The following DYM variants were observed in gnomAD, a reference collection of about 807,000 sequenced individuals.
DYM encodes dymeclin.
DYM carries 78 observed loss-of-function variants against 93.1 expected under a neutral mutation model. That is an observed-to-expected ratio of 0.84 (90% confidence interval 0.70 to 1.01). DYM has a LOEUF of 1.01. Among genes scored for constraint, DYM ranks in the 50% least tolerant of loss-of-function variants. The probability of loss-of-function intolerance (pLI) is 0.00; values close to 1 mark genes in which losing one functional copy is unlikely to be tolerated. For synonymous variants in DYM, 321 were observed against 319.7 expected (o/e 1.00, Z -0.04); for missense variants, 789 against 845.0 (o/e 0.93, Z 0.82).
chr18:49,132,228 AT>A (rs1298934639), intron 15 of DYM, among the ~76,000 whole-genome samples: 1 of 152,222 alleles, frequency 6.6e-6, no homozygotes, highest in Non-Finnish European at 1.5e-5. Context: ...CACAAGAAAA[AT>A]AAAAAGCTCA....
chr18:49,070,282 G>A (rs1386192684), intron 17 of DYM, among the ~76,000 whole-genome samples: 2 of 152,164 alleles, frequency 1.3e-5, no homozygotes, highest in African/African-American at 4.8e-5. Flanking sequence ...TACGTGCATT[G>A]TTTCTTTTGA....
intron 17 of DYM, among the ~76,000 whole-genome samples, chr18:49,056,073 T>C (rs1018919587): frequency 2.6e-5 from 4 of 151,654 alleles, no homozygotes; most frequent in African/African-American, 7.3e-5. Context: ...CTGGGGGAGG[T>C]GCAGGCTGAA....
At chr18:49,245,735 T>A (rs2094148957) in intron 13 of DYM, among the ~76,000 whole-genome samples, 2 of 152,206 alleles carry the variant, frequency 1.3e-5, no homozygotes, top group African/African-American at 2.4e-5. Context: ...AAGCATGTGA[T>A]CTTTGTGACT....
At chr18:49,148,853 C>T (rs1356154013) in intron 15 of DYM, among the ~76,000 whole-genome samples, 2 of 152,180 alleles carry the variant, frequency 1.3e-5, no homozygotes, top group Admixed American at 6.5e-5. Flanking sequence ...GCACCAGGGA[C>T]CGTTTCATGG....
intron 11 of DYM, among the ~76,000 whole-genome samples, chr18:49,266,087 G>C (rs940689787): frequency 1.3e-5 from 2 of 152,114 alleles, no homozygotes; most frequent in African/African-American, 4.8e-5. Flanking sequence ...GTAAAACAGA[G>C]TGAGACTCTG....
chr18:49,313,565 G>A (rs554111947), intron 8 of DYM, among the ~76,000 whole-genome samples: 1 of 143,036 alleles, frequency 7.0e-6, no homozygotes, highest in Admixed American at 7.2e-5. Flanking sequence ...AAAGAGGCAT[G>A]AATAATCCAC....
At position 49,433,371 on chromosome 18, in the gene DYM, T is replaced by G. The variant is rs551921226; in HGVS notation, c.-53-2924A>C. ...CATGTAATCATAGTATACGACTAAA[T>G]TCAACAGTAATCAACATTTATATAA... On this transcript the variant is annotated intron_variant, in intron 1 of 17. Coordinates refer to ENST00000675505, the MANE Select transcript of DYM (RefSeq NM_001353214.3). Among the ~76,000 whole-genome samples, 3 of 152,320 alleles carry G rather than the reference T, an allele frequency of 2.0e-5. No individual in the cohort carries two copies. In the East Asian group the frequency reaches 5.8e-4, roughly 29 times the overall value.
intron 14 of DYM, among the ~76,000 whole-genome samples, chr18:49,207,448 TA>T (rs1324727444): frequency 6.6e-6 from 1 of 152,238 alleles, no homozygotes; most frequent in Non-Finnish European, 1.5e-5. Context: ...TAAACCTGGC[TA>T]AACTATTGTG....
chr18:49,343,675 T>C (rs2064339229), intron 6 of DYM, among the ~76,000 whole-genome samples: 1 of 152,230 alleles, frequency 6.6e-6, no homozygotes, highest in African/African-American at 2.4e-5. Flanking sequence ...TCTTCAACTA[T>C]GCTCACAGGC....
intron 8 of DYM, among the ~76,000 whole-genome samples, chr18:49,303,995 G>A (rs1431020825): frequency 1.3e-5 from 2 of 152,146 alleles, no homozygotes; most frequent in Non-Finnish European, 2.9e-5. Context: ...ACACACCACA[G>A]GTGTCTGGAA....
intron 13 of DYM, among the ~76,000 whole-genome samples, chr18:49,210,806 C>T (rs181401892): frequency 1.3e-3 from 194 of 152,272 alleles, no homozygotes; most frequent in Non-Finnish European, 2.4e-3. Context: ...CAACTCTATA[C>T]TTTCTGATCA....
At chr18:49,276,558 G>A (rs1351234336) in intron 10 of DYM, among the ~76,000 whole-genome samples, 1 of 152,136 alleles carries the variant, frequency 6.6e-6, no homozygotes, top group Admixed American at 6.6e-5. Flanking sequence ...AAGTATTCTA[G>A]AGAGAAAAAC....
At chr18:49,080,142 C>T (rs1213531691) in intron 17 of DYM, among the ~76,000 whole-genome samples, 6 of 15,978 alleles carry the variant, frequency 3.8e-4, no homozygotes, top group Admixed American at 1.2e-3. Flanking sequence ...CCGGACGGGG[C>T]GGCTGGCCGG....
intron 6 of DYM, among the ~76,000 whole-genome samples, chr18:49,356,533 A>T (rs892158947): frequency 2.0e-5 from 3 of 152,040 alleles, no homozygotes; most frequent in Non-Finnish European, 2.9e-5. Flanking sequence ...TCACTCCTCC[A>T]CCCACCTTAC....
At chr18:49,360,950 A>G (rs2065963250) in intron 6 of DYM, among the ~76,000 whole-genome samples, 1 of 152,210 alleles carries the variant, frequency 6.6e-6, no homozygotes, top group Admixed American at 6.5e-5. Context: ...CATTGCCTCC[A>G]CATTCCAGGA....
intron 16 of DYM, among the ~76,000 whole-genome samples, chr18:49,112,694 T>C (rs2081534076): frequency 6.6e-6 from 1 of 152,240 alleles, no homozygotes; most frequent in African/African-American, 2.4e-5. Context: ...TACAATTTCA[T>C]ACAATAAAAT....
chr18:49,201,938 A>G (rs1336233919), intron 14 of DYM, among the ~76,000 whole-genome samples: 1 of 152,234 alleles, frequency 6.6e-6, no homozygotes, highest in Non-Finnish European at 1.5e-5. Flanking sequence ...TGTTTGGCAC[A>G]GGACTAATCA....
At chr18:49,250,809 T>C (rs990257628) in intron 13 of DYM, among the ~76,000 whole-genome samples, 1 of 152,224 alleles carries the variant, frequency 6.6e-6, no homozygotes, top group Non-Finnish European at 1.5e-5. Context: ...TTCAGCGATA[T>C]AGCTGTGAAA....
chr18:49,434,724 G>A (rs1049537787), intron 1 of DYM, among the ~76,000 whole-genome samples: 4 of 151,804 alleles, frequency 2.6e-5, no homozygotes, highest in East Asian at 1.9e-4. Flanking sequence ...ACAGCAACTC[G>A]GGAGGCTGAG....
Sources: gnomAD v4.1 joint callset for allele counts (sites outside exome capture counted in the v4.1 genomes callset) on GRCh38, gnomAD v4.1.1 for gene constraint, MANE v1.5 for transcripts, NCBI Gene and HGNC (gene_info 2026-07-23, HGNC 2026-07-21) for gene names.